The following ARFGEF1 variants were observed in gnomAD, a reference collection of about 807,000 sequenced individuals.
ARFGEF1 encodes brefeldin A-inhibited guanine nucleotide-exchange protein 1.
A neutral mutation model predicts 231.0 loss-of-function variants in ARFGEF1; 42 were observed. The ratio of observed to expected loss-of-function variants is 0.18; its 90% confidence interval spans 0.14 to 0.24. The LOEUF is 0.24. Among genes scored for constraint, ARFGEF1 ranks in the 10% least tolerant of loss-of-function variants. The pLI is 1.00. For synonymous variants in ARFGEF1, 710 were observed against 732.3 expected (o/e 0.97, Z 0.49); for missense variants, 1,345 against 2,192.0 (o/e 0.61, Z 7.72).
At chr8:67,179,145 C>T (rs1042161388) in intron 5 of ARFGEF1, among the ~76,000 whole-genome samples, 4 of 152,070 alleles carry the variant, frequency 2.6e-5, no homozygotes, top group African/African-American at 9.7e-5. Context: ...ACTTTAGGTT[C>T]CTTCTGACAT....
intron 1 of ARFGEF1, among the ~76,000 whole-genome samples, chr8:67,339,280 C>G (rs1337287279): frequency 2.0e-5 from 3 of 152,120 alleles, no homozygotes; most frequent in Non-Finnish European, 4.4e-5. Context: ...CCAGTATATG[C>G]CTCCCTTCCC....
intron 3 of ARFGEF1, among the ~76,000 whole-genome samples, chr8:67,300,649 T>G (rs1806437347): frequency 8.2e-6 from 1 of 121,408 alleles, no homozygotes; most frequent in African/African-American, 3.5e-5. Flanking sequence ...ATGGTGAAAC[T>G]CTTGTCTCTT....
At chr8:67,342,509 C>T (rs541113677) in intron 1 of ARFGEF1, among the ~76,000 whole-genome samples, 62 of 152,246 alleles carry the variant, frequency 4.1e-4, no homozygotes, top group African/African-American at 1.3e-3. Context: ...TCTTTGCTTC[C>T]CTGCTTTCAT....
At chr8:67,193,397 C>CTGAT (rs1240148780), downstream of ARFGEF1, 1 of 1,442,356 alleles carries the variant, frequency 6.9e-7, no homozygotes, top group Non-Finnish European at 9.6e-7. Context: ...ATGCCTGGCC[C>CTGAT]TGATTCACTG....
chr8:67,305,051 T>G (rs1277570358), intron 1 of ARFGEF1, among the ~76,000 whole-genome samples: 4 of 152,164 alleles, frequency 2.6e-5, no homozygotes, highest in African/African-American at 7.2e-5. Flanking sequence ...AATTACAGAA[T>G]AGGATATTCT....
At chr8:67,333,794 G>A (rs974028994) in intron 1 of ARFGEF1, among the ~76,000 whole-genome samples, 1 of 152,092 alleles carries the variant, frequency 6.6e-6, no homozygotes, top group Non-Finnish European at 1.5e-5. Flanking sequence ...CTCACGTGAT[G>A]GGTCACAGTC....
chr8:67,184,793 G>C (rs1834023692), intron 5 of ARFGEF1, among the ~76,000 whole-genome samples: 1 of 146,616 alleles, frequency 6.8e-6, no homozygotes. Flanking sequence ...TATCACTACA[G>C]GTCCCATGAA....
At chr8:67,315,702 G>GA (rs1807279926) in intron 1 of ARFGEF1, among the ~76,000 whole-genome samples, 2 of 152,042 alleles carry the variant, frequency 1.3e-5, no homozygotes, top group Admixed American at 1.3e-4. Flanking sequence ...CAAACACTTG[G>GA]AAATTAAACA....
At chr8:67,309,745 C>A (rs1587282330) in intron 1 of ARFGEF1, among the ~76,000 whole-genome samples, 1 of 152,158 alleles carries the variant, frequency 6.6e-6, no homozygotes, top group African/African-American at 2.4e-5. Context: ...TGTTAACTAG[C>A]CTCTTTTGTC....
intron 1 of ARFGEF1, among the ~76,000 whole-genome samples, chr8:67,319,923 TA>T (rs1563913836): frequency 6.6e-6 from 1 of 151,626 alleles, no homozygotes; most frequent in African/African-American, 2.4e-5. Context: ...CAAATAAACA[TA>T]AAAAAAGATG....
chr8:67,186,508 C>T (rs550653107), intron 5 of ARFGEF1, among the ~76,000 whole-genome samples: 168 of 151,528 alleles, frequency 1.1e-3, no homozygotes, highest in Non-Finnish European at 1.8e-3. Flanking sequence ...TTTATGGTAA[C>T]TCAGCAAACT....
chr8:67,264,014 G>A (rs1804746991), intron 14 of ARFGEF1, among the ~76,000 whole-genome samples: 1 of 152,080 alleles, frequency 6.6e-6, no homozygotes, highest in Non-Finnish European at 1.5e-5. Context: ...CTGCATTGTT[G>A]GAAAGTGAGG....
At chr8:67,205,996 T>A (rs553565036) in intron 34 of ARFGEF1, among the ~76,000 whole-genome samples, 1 of 152,352 alleles carries the variant, frequency 6.6e-6, no homozygotes, top group South Asian at 2.1e-4. Context: ...AGACTCCGGA[T>A]TAACCTATGC....
Position 67,277,444 on chromosome 8 carries a change from C to A in ARFGEF1, c.1041G>T (p.Gly347=). ...CATCTGCACTTGCATTTATAGTAGT[C>A]CCTTCTCCCATATCTAAAATGATAA... is the stretch of plus-strand genomic sequence containing the variant. ...VNIVVGDMGE[G]TTINASADGN... Residue 347 remains glycine, a synonymous_variant, in exon 8 of 39, where the codon GGG becomes GGT. Coordinates refer to ENST00000262215, the MANE Select transcript of ARFGEF1 (RefSeq NM_006421.5). 2 of 1,612,876 alleles carry A rather than the reference C, an allele frequency of 1.2e-6. No individual in the cohort carries two copies. The highest frequency in any genetic ancestry group is 1.7e-6 in the Non-Finnish European group (2 of 1,179,258).
intron 17 of ARFGEF1, 64 bp from the exon 18 acceptor site, chr8:67,253,686 G>T: frequency 2.3e-6 from 2 of 878,500 alleles, no homozygotes; most frequent in Non-Finnish European, 1.6e-6. Context: ...GTATTTTAAG[G>T]ATATGAATAT....
Position 67,257,722 on chromosome 8 carries a change from GA to G in ARFGEF1, c.2526+9del, listed in dbSNP as rs1840507628. On this transcript the variant is annotated intron_variant, in intron 17 of 38. Coordinates refer to ENST00000262215, the MANE Select transcript of ARFGEF1 (RefSeq NM_006421.5). Reference sequence around the variant, plus strand: ...CGCTTATTGTAAAACTGACTTAAAAGAAAACATACCTGTGGACTGTGAAGGT... The same window carrying G: ...CGCTTATTGTAAAACTGACTTAAAAGAAACATACCTGTGGACTGTGAAGGT... The G allele has an allele frequency of 6.3e-7, 1 of 1,577,574 alleles. No individual in the cohort carries two copies.
chr8:67,231,711 G>C (rs1346339602), intron 23 of ARFGEF1, among the ~76,000 whole-genome samples: 1 of 152,086 alleles, frequency 6.6e-6, no homozygotes, highest in Non-Finnish European at 1.5e-5. Context: ...GAAAGGTGGA[G>C]AGGTTAAGTA....
chr8:67,235,037 T>C (rs1465409497), intron 22 of ARFGEF1, among the ~76,000 whole-genome samples: 1 of 151,286 alleles, frequency 6.6e-6, no homozygotes, highest in Non-Finnish European at 1.5e-5. Context: ...GAAATATATA[T>C]ATGTTCTGTG....
At chr8:67,304,007 CAGGTT>C (rs1806622653) in intron 1 of ARFGEF1, among the ~76,000 whole-genome samples, 1 of 152,144 alleles carries the variant, frequency 6.6e-6, no homozygotes, top group Non-Finnish European at 1.5e-5. Context: ...TATGGCTAAT[CAGGTT>C]TCAATATTAG....
Sources: allele counts gnomAD v4.1 joint callset (sites outside exome capture counted in the v4.1 genomes callset), GRCh38; gene constraint gnomAD v4.1.1; transcripts MANE v1.5; gene names NCBI Gene and HGNC (gene_info 2026-07-23, HGNC 2026-07-21).